The following TLR3 variants were observed in gnomAD, a reference collection of about 807,000 sequenced individuals.
The protein encoded by TLR3 is toll-like receptor 3.
TLR3 carries 43 observed loss-of-function variants against 66.4 expected under a neutral mutation model. The observed-to-expected ratio is 0.65, with a 90% CI of 0.51 to 0.83. The LOEUF (loss-of-function observed/expected upper bound fraction) is 0.83, where lower values mean the gene tolerates loss of function less well. TLR3 is among the 40% of genes least tolerant of loss of function. TLR3 has a pLI of 0.00. For synonymous variants in TLR3, 397 were observed against 397.2 expected (o/e 1.00, Z 0.01); for missense variants, 982 against 1,044.6 (o/e 0.94, Z 0.83).
At position 186,083,576 on chromosome 4, in the gene TLR3, C is replaced by A. The variant is rs145921610; in HGVS notation, c.1890C>A (p.Phe630Leu). The stretch of plus-strand genomic sequence containing the variant: ...TAACATCCGTTGAGAAGAAGGTTTT[C>A]GGGCCAGCTTTCAGGAACCTGACTG... ...NLITSVEKKV[F>L]GPAFRNLTEL... The change falls in exon 4 of 5, where the codon TTC becomes TTA. Residue 630 changes from phenylalanine (F) to leucine (L), a missense_variant. This residue lies in a region of TLR3 where 666 missense variants were observed against 709.0 expected (regional missense o/e 0.94). Transcript: ENST00000296795. This position sits in a 1 kb window ranked among gnomAD's most constrained non-coding sequence, Gnocchi z 4.0. 3 of 1,612,890 alleles carry A rather than the reference C, an allele frequency of 1.9e-6. No homozygotes were observed. The highest frequency in any genetic ancestry group is 2.5e-6 in the Non-Finnish European group (3 of 1,179,572).
chr4:186,076,482 C>A, intron 1 of TLR3, 131 bp from the exon 2 acceptor site: 1 of 882,680 alleles, frequency 1.1e-6, no homozygotes, highest in Non-Finnish European at 1.8e-6. Context: ...ACTTGTATGG[C>A]ATAAAACTAT....
At chr4:186,078,514 GATAA>G (rs144671812) in intron 2 of TLR3, among the ~76,000 whole-genome samples, 1 of 152,198 alleles carries the variant, frequency 6.6e-6, no homozygotes, top group African/African-American at 2.4e-5. Flanking sequence ...AAAAGGTTAT[GATAA>G]ATAAGTTCAT....
At position 186,084,786 on chromosome 4, in the gene TLR3, C is replaced by T. The variant is rs1417052893; in HGVS notation, c.2628C>T (p.Ile876=). ...GAGGAATGTTTAAATCTCACTGCAT[C>T]TTGAACTGGCCAGTTCAGAAAGAAC... is the stretch of plus-strand genomic sequence containing the variant. ...LRRGMFKSHC[I]LNWPVQKERI... The change falls in exon 5 of 5, where the codon ATC becomes ATT. Residue 876 remains isoleucine (I), a synonymous_variant. Coordinates refer to ENST00000296795, the MANE Select transcript of TLR3 (RefSeq NM_003265.3). 3 of 1,614,100 alleles carry T rather than the reference C, an allele frequency of 1.9e-6. No homozygotes were observed. The highest frequency in any genetic ancestry group is 1.7e-6 in the Non-Finnish European group (2 of 1,180,012).
At chr4:186,080,545 A>G (rs1013538564) in intron 3 of TLR3, among the ~76,000 whole-genome samples, 1 of 151,598 alleles carries the variant, frequency 6.6e-6, no homozygotes, top group Non-Finnish European at 1.5e-5. Flanking sequence ...ATTTTTAAAA[A>G]TATTTTATGT....
intron 3 of TLR3, among the ~76,000 whole-genome samples, chr4:186,081,059 A>G (rs1454407819): frequency 2.6e-5 from 4 of 152,234 alleles, no homozygotes; most frequent in African/African-American, 9.6e-5. Flanking sequence ...GCATTATTTT[A>G]CAGGCATTAA....
intron 3 of TLR3, among the ~76,000 whole-genome samples, chr4:186,080,925 G>A (rs1250421637): frequency 6.6e-6 from 1 of 152,126 alleles, no homozygotes; most frequent in Non-Finnish European, 1.5e-5. Context: ...GTGTCACTTG[G>A]GGGACAGTAG....
intron 2 of TLR3, 67 bp downstream of exon 2, chr4:186,077,127 T>A: frequency 6.8e-7 from 1 of 1,466,782 alleles, no homozygotes; most frequent in Non-Finnish European, 9.3e-7. Context: ...ACTTACTATC[T>A]AAATATCAAG....
intron 1 of TLR3, among the ~76,000 whole-genome samples, chr4:186,074,431 A>C (rs1403714565): frequency 6.6e-6 from 1 of 152,214 alleles, no homozygotes; most frequent in Non-Finnish European, 1.5e-5. Context: ...AATGTGGTAC[A>C]AAAGGTTACA....
intron 1 of TLR3, among the ~76,000 whole-genome samples, chr4:186,075,259 A>T (rs970326263): frequency 6.6e-6 from 1 of 152,150 alleles, no homozygotes; most frequent in African/African-American, 2.4e-5. Flanking sequence ...TGACGGCTAG[A>T]TTAGTAGGTG....
Position 186,084,870 on chromosome 4 carries a change from T to G in TLR3, c.2712T>G (p.His904Gln). The G allele has an allele frequency of 6.2e-7, 1 of 1,605,532 alleles. No individual in the cohort carries two copies. Among genetic ancestry groups the G allele is most frequent in the African/African-American group, 1.3e-5 (1 of 74,846 alleles). ...CACTTGGATCCAAAAACTCTGTACA[T>G]TAAATTTATTTAAATATTCAATTAG... ...QVALGSKNSVH is the reference protein window; with the variant it reads ...QVALGSKNSVQ The change falls in exon 5 of 5, where the codon CAT (histidine) becomes CAG (glutamine). Residue 904 changes from histidine (H) to glutamine (Q), a missense_variant. By Grantham distance (24) the His-to-Gln change is conservative. Coordinates refer to ENST00000296795, the MANE Select transcript of TLR3 (RefSeq NM_003265.3).
rs2099303711 is a variant in TLR3, at chr4:186,082,508, A to G, written c.822A>G (p.Thr274=). 3.7e-6 allele frequency: 6 copies of G among 1,614,082 alleles called. No homozygotes were observed. Among genetic ancestry groups the G allele is most frequent in the Non-Finnish European group, 5.1e-6 (6 of 1,180,048 alleles). The change falls in exon 4 of 5, where the codon ACA becomes ACG. Residue 274 remains threonine, a synonymous_variant. Transcript: ENST00000296795. ...SNTTFLGLKW[T]NLTMLDLSYN... The stretch of plus-strand genomic sequence containing the variant: ...CAACTTTCTTGGGACTAAAGTGGAC[A>G]AATCTCACTATGCTCGATCTTTCCT...
At chr4:186,079,739 T>A (rs1254292584) in intron 3 of TLR3, among the ~76,000 whole-genome samples, 1 of 152,156 alleles carries the variant, frequency 6.6e-6, no homozygotes, top group Non-Finnish European at 1.5e-5. Context: ...GTAAAAGAAT[T>A]TACCAAGACA....
Position 186,076,824 on chromosome 4 carries a change from G to A in TLR3, c.205G>A (p.Ala69Thr), listed in dbSNP as rs762922535. The A allele has an allele frequency of 3.2e-5, 51 of 1,613,958 alleles. No individual in the cohort carries two copies. The highest frequency in any genetic ancestry group is 3.6e-5 in the Non-Finnish European group (42 of 1,180,032). Residue 69 changes from alanine (A) to threonine (T), a missense_variant, in exon 2 of 5, where the codon GCC becomes ACC. By Grantham distance (58) the Ala-to-Thr change is moderately conservative. Around this residue, in one of 3 missense-constraint regions of TLR3, gnomAD observed 313 missense variants for 319.0 expected, o/e 0.98. Transcript: ENST00000296795. ...THNQLRRLPA[A>T]NFTRYSQLTS... ...TAATCAACTCAGAAGATTACCAGCCGCCAACTTCACAAGGTATAGCCAGCT... is the reference window on the plus strand; with the variant it reads ...TAATCAACTCAGAAGATTACCAGCCACCAACTTCACAAGGTATAGCCAGCT...
intron 3 of TLR3, among the ~76,000 whole-genome samples, chr4:186,081,004 CA>C (rs1170503427): frequency 1.4e-4 from 22 of 152,014 alleles, no homozygotes; most frequent in African/African-American, 5.1e-4. Flanking sequence ...AGTTAAAATG[CA>C]AAGCAGAAAA....
chr4:186,080,847 C>G (rs1301524229), intron 3 of TLR3, among the ~76,000 whole-genome samples: 1 of 152,142 alleles, frequency 6.6e-6, no homozygotes, highest in Non-Finnish European at 1.5e-5. Context: ...CCACCTCGGC[C>G]TCCCAAAGTG....
At chr4:186,082,145 A>C in intron 3 of TLR3, 175 bp from the exon 4 acceptor site, 3 of 622,688 alleles carry the variant, frequency 4.8e-6, no homozygotes, top group Non-Finnish European at 5.4e-6. Flanking sequence ...GAATTGCTTG[A>C]ACTGAGGAGG....
At chr4:186,075,500 C>A (rs1025246617) in intron 1 of TLR3, among the ~76,000 whole-genome samples, 16 of 152,150 alleles carry the variant, frequency 1.1e-4, no homozygotes, top group Non-Finnish European at 7.4e-5. Context: ...GGGTGTGGTA[C>A]ATGCCTGTAG....
At chr4:186,079,133 T>A (rs946903404) in intron 3 of TLR3, 102 bp downstream of exon 3, 1 of 1,087,206 alleles carries the variant, frequency 9.2e-7, no homozygotes. Flanking sequence ...CCTCTGCCTG[T>A]CTTCCAGCAA....
At position 186,084,741 on chromosome 4, in the gene TLR3, C is replaced by T. The variant is rs544362810; in HGVS notation, c.2583C>T (p.Asn861=). 2.5e-6 allele frequency: 4 copies of T among 1,613,936 alleles called. No homozygotes were observed. Among genetic ancestry groups the T allele is most frequent in the Admixed American group, 1.7e-5 (1 of 60,014 alleles). ...FLEEIPDYKL[N]HALCLRRGMF... ...AGGAGATTCCAGATTATAAACTGAA[C>T]CATGCACTCTGTTTGCGAAGAGGAA... is the stretch of plus-strand genomic sequence containing the variant. The change falls in exon 5 of 5, where the codon AAC becomes AAT. Residue 861 remains asparagine (N), a synonymous_variant. Transcript: ENST00000296795.
Sources: gnomAD v4.1 joint callset for allele counts (sites outside exome capture counted in the v4.1 genomes callset) on GRCh38, gnomAD v4.1.1 for gene constraint, gnomAD v4.1.1 regional missense constraint, Gnocchi (gnomAD v3.1) non-coding constraint, MANE v1.5 for transcripts, NCBI Gene and HGNC (gene_info 2026-07-23, HGNC 2026-07-21) for gene names.